MTUS2: variants seen among roughly 807,000 people sequenced by gnomAD.
The protein encoded by MTUS2 is microtubule-associated tumor suppressor candidate 2.
MTUS2 carries 40 observed loss-of-function variants against 114.1 expected under a neutral mutation model. The ratio of observed to expected loss-of-function variants is 0.35; its 90% confidence interval spans 0.27 to 0.46. The LOEUF (loss-of-function observed/expected upper bound fraction) is 0.46. Among genes scored for constraint, MTUS2 ranks in the 20% least tolerant of loss-of-function variants. The pLI, the probability that MTUS2 is intolerant of heterozygous loss-of-function variation, is 1.00. For missense variants in MTUS2, 1,679 were observed against 1,705.4 expected, an observed-to-expected ratio of 0.98 and a Z score of 0.27; for synonymous variants, 688 against 672.0, an observed-to-expected ratio of 1.02 and a Z score of -0.37.
intron 2 of MTUS2, among the ~76,000 whole-genome samples, chr13:28,964,019 C>A (rs1046843761): frequency 5.9e-5 from 9 of 152,290 alleles, no homozygotes; most frequent in African/African-American, 2.2e-4. Context: ...CTTCCCCAGG[C>A]CCTTGCTATG....
intron 4 of MTUS2, among the ~76,000 whole-genome samples, chr13:29,044,366 C>G (rs1337275643): frequency 2.6e-5 from 4 of 152,016 alleles, no homozygotes; most frequent in Non-Finnish European, 5.9e-5. Flanking sequence ...TAAAGATGTT[C>G]TCTTTTTCAT....
At chr13:29,191,934 T>C (rs1018542941) in intron 5 of MTUS2, among the ~76,000 whole-genome samples, 4 of 152,188 alleles carry the variant, frequency 2.6e-5, no homozygotes, top group African/African-American at 4.8e-5. Context: ...TAAAAAGATA[T>C]TTGTCAGAGA....
intron 11 of MTUS2, among the ~76,000 whole-genome samples, chr13:29,490,704 G>A (rs1881999845): frequency 1.3e-5 from 2 of 152,258 alleles, no homozygotes; most frequent in South Asian, 4.1e-4. Context: ...TTCTCCGAGT[G>A]CAGCCAAGAG....
chr13:29,374,574 C>T (rs990392349), intron 8 of MTUS2, among the ~76,000 whole-genome samples: 1 of 152,192 alleles, frequency 6.6e-6, no homozygotes, highest in Non-Finnish European at 1.5e-5. Flanking sequence ...ACCCACAATT[C>T]TATATCCAGT....
chr13:29,083,821 T>A (rs1889551468), intron 4 of MTUS2, among the ~76,000 whole-genome samples: 1 of 152,184 alleles, frequency 6.6e-6, no homozygotes, highest in South Asian at 2.1e-4. Context: ...TTTGTATATG[T>A]CAAATTCTTA....
chr13:29,339,898 T>A (rs569565360), intron 7 of MTUS2: 1 of 152,810 alleles, frequency 6.5e-6, no homozygotes, highest in South Asian at 2.1e-4. Context: ...GGGGCGGCAC[T>A]ATGGTCCGGG....
chr13:28,904,845 A>T (rs568344140), intron 2 of MTUS2, among the ~76,000 whole-genome samples: 208 of 152,112 alleles, frequency 1.4e-3, no homozygotes, highest in African/African-American at 4.2e-3. Context: ...TACCTTGGGC[A>T]GTATGGCCAT....
chr13:29,336,121 C>G (rs1901050489), intron 7 of MTUS2, among the ~76,000 whole-genome samples: 1 of 151,854 alleles, frequency 6.6e-6, no homozygotes, highest in South Asian at 2.1e-4. Context: ...CCTTACCTTG[C>G]CTTCTGAAGC....
At chr13:29,029,557 G>A (rs1001178350) in intron 3 of MTUS2, among the ~76,000 whole-genome samples, 3 of 152,182 alleles carry the variant, frequency 2.0e-5, no homozygotes, top group Non-Finnish European at 2.9e-5. Context: ...TCCATGAAGA[G>A]ACCTGTCAGT....
chr13:29,289,670 T>C (rs950537088), intron 6 of MTUS2, among the ~76,000 whole-genome samples: 10 of 152,056 alleles, frequency 6.6e-5, no homozygotes, highest in East Asian at 5.8e-4. Flanking sequence ...TTTCGCCATC[T>C]TGGCCAGGCT....
At chr13:28,892,952 G>A (rs1879021185) in intron 2 of MTUS2, among the ~76,000 whole-genome samples, 1 of 152,152 alleles carries the variant, frequency 6.6e-6, no homozygotes, top group Non-Finnish European at 1.5e-5. Flanking sequence ...TTTAGCATGT[G>A]GAATTTAGAT....
chr13:28,861,439 C>CTTTTTTTTTTT (rs11462684), intron 2 of MTUS2, among the ~76,000 whole-genome samples: 2 of 139,460 alleles, frequency 1.4e-5, no homozygotes, highest in Non-Finnish European at 3.1e-5. Flanking sequence ...CTGTTTTTTT[C>CTTTTTTTTTTT]TTTTTTTTTT....
chr13:29,209,338 G>GA (rs1320216091), intron 5 of MTUS2, among the ~76,000 whole-genome samples: 3 of 152,256 alleles, frequency 2.0e-5, no homozygotes, highest in African/African-American at 7.2e-5. Flanking sequence ...TGAGTCTCTT[G>GA]AAGAGAGCAG....
intron 6 of MTUS2, among the ~76,000 whole-genome samples, chr13:29,289,486 G>A (rs941598671): frequency 4.4e-4 from 61 of 137,756 alleles, no homozygotes; most frequent in South Asian, 1.4e-3. Context: ...TTTTTGAGAC[G>A]GAGTCTCGCT....
chr13:28,897,717 CA>C (rs1286212962), intron 2 of MTUS2, among the ~76,000 whole-genome samples: 1 of 152,120 alleles, frequency 6.6e-6, no homozygotes, highest in Non-Finnish European at 1.5e-5. Flanking sequence ...GAATGCTATG[CA>C]GCCATAAAAA....
At chr13:29,247,146 CA>C (rs1266311883) in intron 5 of MTUS2, among the ~76,000 whole-genome samples, 1 of 152,084 alleles carries the variant, frequency 6.6e-6, no homozygotes, top group African/African-American at 2.4e-5. Flanking sequence ...GCAAAGCAAA[CA>C]AAAACATAAA....
At chr13:29,413,418 CA>C (rs1373699143) in intron 8 of MTUS2, among the ~76,000 whole-genome samples, 1 of 146,972 alleles carries the variant, frequency 6.8e-6, no homozygotes, top group Non-Finnish European at 1.5e-5. Context: ...TCCAAAACAC[CA>C]AAAGCAATGG....
At chr13:29,012,600 G>C (rs1347701719) in intron 2 of MTUS2, among the ~76,000 whole-genome samples, 1 of 151,558 alleles carries the variant, frequency 6.6e-6, no homozygotes, top group Non-Finnish European at 1.5e-5. Flanking sequence ...CAGCCCGGGC[G>C]GGGTGGCCCA....
chr13:29,245,608 T>A (rs192259273), intron 5 of MTUS2, among the ~76,000 whole-genome samples: 1 of 152,314 alleles, frequency 6.6e-6, no homozygotes, highest in East Asian at 1.9e-4. Flanking sequence ...TATCACTTGC[T>A]AATCTTGCTT....
Sources: allele counts gnomAD v4.1 joint callset (sites outside exome capture counted in the v4.1 genomes callset), GRCh38; gene constraint gnomAD v4.1.1; transcripts MANE v1.5; gene names NCBI Gene and HGNC (gene_info 2026-07-23, HGNC 2026-07-21).